HS3ST4: variants seen among roughly 807,000 people sequenced by gnomAD.
HS3ST4 encodes heparan sulfate-glucosamine 3-sulfotransferase 4.
HS3ST4 carries 17 observed loss-of-function variants against 29.2 expected under a neutral mutation model. The observed-to-expected ratio is 0.58, with a 90% CI of 0.40 to 0.87. The LOEUF is 0.87. Among genes scored for constraint, HS3ST4 ranks in the 40% least tolerant of loss-of-function variants. The probability of loss-of-function intolerance (pLI) is 0.00; values close to 1 mark genes in which losing one functional copy is unlikely to be tolerated. For missense variants in HS3ST4, 627 were observed against 634.5 expected (o/e 0.99, Z 0.13); for synonymous variants, 314 against 285.7 (o/e 1.10, Z -1.00).
intron 1 of HS3ST4, among the ~76,000 whole-genome samples, chr16:25,709,357 G>T (rs1250664593): frequency 6.6e-6 from 1 of 152,282 alleles, no homozygotes; most frequent in South Asian, 2.1e-4. Flanking sequence ...TGCCAGCGGG[G>T]TGTGAGGCTT....
At position 25,863,675 on chromosome 16, in the gene HS3ST4, A is replaced by C. The variant is rs564770564; in HGVS notation, c.734+170524A>C. ...TGTTTTGATTTTATAGACAGGTGTT[A>C]TGTGTTGTGTGTGTGTATGTTTTAA... On this transcript the variant is annotated intron_variant, in intron 1 of 1. Transcript: ENST00000331351. Among the ~76,000 whole-genome samples the C allele has an allele frequency of 2.0e-5, 3 of 152,222 alleles. No individual in the cohort carries two copies. In the South Asian group the frequency reaches 6.2e-4, roughly 32 times the overall value.
chr16:26,090,725 G>A (rs558875719), intron 1 of HS3ST4, among the ~76,000 whole-genome samples: 1 of 152,228 alleles, frequency 6.6e-6, no homozygotes, highest in Admixed American at 6.5e-5. Flanking sequence ...TAGAGTTGCG[G>A]AGCCTCCAAG....
intron 1 of HS3ST4, among the ~76,000 whole-genome samples, chr16:25,766,642 A>G (rs1019993879): frequency 6.6e-6 from 1 of 152,224 alleles, no homozygotes; most frequent in Admixed American, 6.5e-5. Context: ...TGTCTGTTAT[A>G]TGTCAGACAC....
chr16:25,829,795 A>T (rs1031269312), intron 1 of HS3ST4, among the ~76,000 whole-genome samples: 2 of 152,116 alleles, frequency 1.3e-5, no homozygotes, highest in South Asian at 2.1e-4. Flanking sequence ...TGTAAAATAC[A>T]CTATTTTAAA....
At chr16:25,831,952 A>T (rs995673236) in intron 1 of HS3ST4, among the ~76,000 whole-genome samples, 1 of 152,040 alleles carries the variant, frequency 6.6e-6, no homozygotes, top group Non-Finnish European at 1.5e-5. Flanking sequence ...CAATAAATTT[A>T]AAAATTAGCT....
intron 1 of HS3ST4, among the ~76,000 whole-genome samples, chr16:25,944,257 T>C (rs1320393277): frequency 2.0e-5 from 3 of 152,200 alleles, no homozygotes; most frequent in Non-Finnish European, 4.4e-5. Flanking sequence ...GGAAAAGCCC[T>C]CAACAGCAAG....
At chr16:25,840,045 T>C (rs1178395354) in intron 1 of HS3ST4, among the ~76,000 whole-genome samples, 8 of 152,208 alleles carry the variant, frequency 5.3e-5, no homozygotes, top group African/African-American at 1.9e-4. Context: ...ATACCTTCCA[T>C]GGCCTGTCAA....
intron 1 of HS3ST4, among the ~76,000 whole-genome samples, chr16:26,066,122 C>G (rs1001329026): frequency 1.8e-4 from 27 of 152,124 alleles, no homozygotes; most frequent in African/African-American, 6.5e-4. Context: ...TCCTAAAATG[C>G]AAGGCACGAG....
At chr16:25,961,677 A>G (rs1045077848) in intron 1 of HS3ST4, among the ~76,000 whole-genome samples, 1 of 152,182 alleles carries the variant, frequency 6.6e-6, no homozygotes, top group East Asian at 1.9e-4. Flanking sequence ...TAGGAGTCCC[A>G]AGCATTATTT....
chr16:26,067,477 T>C (rs1320749808), intron 1 of HS3ST4, among the ~76,000 whole-genome samples: 1 of 152,174 alleles, frequency 6.6e-6, no homozygotes, highest in African/African-American at 2.4e-5. Flanking sequence ...ATTGAGTTTG[T>C]GACCCTAAGT....
chr16:25,800,440 CA>C (rs34569639), intron 1 of HS3ST4, among the ~76,000 whole-genome samples: 28,978 of 151,122 alleles, frequency 0.19, 3,527 homozygotes, highest in South Asian at 0.41. Context: ...CTTTCTCTCC[CA>C]CCTCTTTCTC....
At chr16:25,991,307 A>C (rs1969111817) in intron 1 of HS3ST4, among the ~76,000 whole-genome samples, 1 of 152,190 alleles carries the variant, frequency 6.6e-6, no homozygotes, top group Non-Finnish European at 1.5e-5. Context: ...AAATATTAGG[A>C]GCATTAAGTT....
At chr16:26,035,849 G>C (rs562526173) in intron 1 of HS3ST4, among the ~76,000 whole-genome samples, 12 of 152,262 alleles carry the variant, frequency 7.9e-5, no homozygotes, top group African/African-American at 2.9e-4. Context: ...TTGTTCCTAT[G>C]ATAAAGATGA....
chr16:25,859,626 T>C (rs1967617868), intron 1 of HS3ST4, among the ~76,000 whole-genome samples: 1 of 152,166 alleles, frequency 6.6e-6, no homozygotes, highest in South Asian at 2.1e-4. Flanking sequence ...TAGTATTCCA[T>C]GGTATAAATC....
rs1466196556 is a variant in HS3ST4 at position 25,716,385 on chromosome 16, G to C, written c.734+23234G>C. On this transcript the variant is annotated intron_variant, in intron 1 of 1. Coordinates refer to ENST00000331351, the MANE Select transcript of HS3ST4 (RefSeq NM_006040.3). ...TTAAGTTTGGACCAATGGGATTTGAGAGTAGCTGCTGTGGCAACTTCTGGG... is the reference window on the plus strand; with the variant it reads ...TTAAGTTTGGACCAATGGGATTTGACAGTAGCTGCTGTGGCAACTTCTGGG... Among the ~76,000 whole-genome samples the C allele has an allele frequency of 3.3e-5, 5 of 152,168 alleles. No homozygotes were observed. In the East Asian group the frequency reaches 9.7e-4, roughly 29 times the overall value.
In HS3ST4 at chr16:25,779,613, T is replaced by A. The variant is rs562032237; in HGVS notation, c.734+86462T>A. Among the ~76,000 whole-genome samples, 6 of 152,316 alleles carry A rather than the reference T, an allele frequency of 3.9e-5. No homozygotes were observed. In the South Asian group the frequency reaches 1.2e-3, roughly 32 times the overall value. On this transcript the variant is annotated intron_variant, in intron 1 of 1. Transcript: ENST00000331351. Reference sequence around the variant, plus strand: ...AGTGTCCCTTGTAGGAGAAAACATTTCCTGTGCTAAAGACCACTTTTCAGA... The same window carrying A: ...AGTGTCCCTTGTAGGAGAAAACATTACCTGTGCTAAAGACCACTTTTCAGA...
At chr16:26,107,190 G>T (rs192993233) in intron 1 of HS3ST4, among the ~76,000 whole-genome samples, 1 of 152,176 alleles carries the variant, frequency 6.6e-6, no homozygotes, top group East Asian at 1.9e-4. Context: ...GCCTAAGGGT[G>T]CCATACGTAT....
intron 1 of HS3ST4, among the ~76,000 whole-genome samples, chr16:25,939,581 C>T (rs1229261617): frequency 1.3e-5 from 2 of 152,022 alleles, no homozygotes; most frequent in Non-Finnish European, 2.9e-5. Flanking sequence ...TCAGATGATC[C>T]GCCCACCTCA....
At chr16:25,904,278 T>C (rs1968158677) in intron 1 of HS3ST4, among the ~76,000 whole-genome samples, 1 of 152,122 alleles carries the variant, frequency 6.6e-6, no homozygotes, top group African/African-American at 2.4e-5. Context: ...GTGAATGATG[T>C]TTGGCATTTC....
Sources: gnomAD v4.1 joint callset for allele counts (sites outside exome capture counted in the v4.1 genomes callset) on GRCh38, gnomAD v4.1.1 for gene constraint, MANE v1.5 for transcripts, NCBI Gene and HGNC (gene_info 2026-07-23, HGNC 2026-07-21) for gene names.